Variants in ASB1 observed in about 807,000 individuals in gnomAD.
ASB1 encodes ankyrin repeat and SOCS box containing 1.
A neutral mutation model predicts 27.7 loss-of-function variants in ASB1; 18 were observed. The observed-to-expected ratio is 0.65, with a 90% CI of 0.45 to 0.96. The LOEUF (loss-of-function observed/expected upper bound fraction) is 0.96, where lower values mean the gene tolerates loss of function less well. Ranked by LOEUF, ASB1 falls within the 50% of genes least tolerant of loss-of-function variation. ASB1 has a pLI of 0.00. For synonymous variants in ASB1, 189 were observed against 187.6 expected (o/e 1.01, Z -0.06); for missense variants, 397 against 451.7 (o/e 0.88, Z 1.10).
At chr2:238,441,660 C>G (rs1449486540) in intron 3 of ASB1, among the ~76,000 whole-genome samples, 1 of 152,230 alleles carries the variant, frequency 6.6e-6, no homozygotes, top group African/African-American at 2.4e-5. Context: ...GACCCCCTCA[C>G]TCCTTTTCAG....
intron 3 of ASB1, among the ~76,000 whole-genome samples, chr2:238,443,585 C>G (rs779645068): frequency 1.3e-4 from 20 of 152,194 alleles, no homozygotes; most frequent in Admixed American, 5.9e-4. Context: ...CTTGCTCCAG[C>G]TTTGGCCGGA....
At chr2:238,435,250 C>A (rs1279340012) in intron 2 of ASB1, 1 of 174,360 alleles carries the variant, frequency 5.7e-6, no homozygotes, top group Admixed American at 5.7e-5. Flanking sequence ...CCTACATAGT[C>A]ACCTAGTCCT....
chr2:238,444,327 C>T lies in ASB1; in HGVS notation c.495-15C>T. The T allele has an allele frequency of 6.3e-7, 1 of 1,589,850 alleles. No homozygotes were observed. On this transcript the variant is annotated splice_polypyrimidine_tract_variant and intron_variant, in intron 3 of 4. Coordinates refer to ENST00000264607, the MANE Select transcript of ASB1 (RefSeq NM_001040445.3). ...AGTCCCCTGCACAGTCTGACTTTCC[C>T]TTTCTTCCCTGCAGGTACGGGGCTG... is the stretch of plus-strand genomic sequence containing the variant.
intron 3 of ASB1, among the ~76,000 whole-genome samples, chr2:238,438,068 T>C (rs1228118584): frequency 1.3e-5 from 2 of 152,214 alleles, no homozygotes; most frequent in African/African-American, 2.4e-5. Flanking sequence ...GAAATGCTTT[T>C]GAGTAGGATC....
chr2:238,436,023 G>A lies in ASB1; in HGVS notation c.494+10G>A, dbSNP rs200318975. 3.0e-5 allele frequency: 47 copies of A among 1,578,330 alleles called. No individual in the cohort carries two copies. The East Asian group carries it at 6.6e-4, about 22-fold the overall frequency. On this transcript the variant is annotated intron_variant, in intron 3 of 4. Transcript: ENST00000264607. ...TGAAGGCCCTCATCAGGCCAGTACT[G>A]TGGAGCTCGCCTGGCTCCTGCAGCC...
Position 238,451,757 on chromosome 2 carries a change from T to C in ASB1, c.*5246T>C, listed in dbSNP as rs1158837297. On this transcript the variant is annotated 3_prime_UTR_variant, in exon 5 of 5. Transcript: ENST00000264607. The stretch of plus-strand genomic sequence containing the variant: ...TCCCTCTAATTGCCCCCAAATGCCT[T>C]AATTTTGTGGACTGTTTATTTCAAC... 1.3e-5 allele frequency: 2 copies of C among 152,628 alleles called. No individual in the cohort carries two copies. The highest frequency in any genetic ancestry group is 4.8e-5 in the African/African-American group (2 of 41,448). 9.5% of individuals were successfully genotyped at this position (152,628 alleles called of 1,614,324 possible). A position where few individuals can be genotyped will look rare whatever the true frequency, so the allele number is the denominator to read the frequency against.
intron 3 of ASB1, among the ~76,000 whole-genome samples, chr2:238,440,609 A>G (rs1445870221): frequency 3.3e-5 from 5 of 152,152 alleles, no homozygotes; most frequent in Admixed American, 1.3e-4. Flanking sequence ...TCACCTTGTC[A>G]GGACTCTGAC....
chr2:238,427,128 C>A lies in ASB1; in HGVS notation c.49+9C>A. On this transcript the variant is annotated intron_variant, in intron 1 of 4. Coordinates refer to ENST00000264607, the MANE Select transcript of ASB1 (RefSeq NM_001040445.3). Reference sequence around the variant, plus strand: ...AGGGCCGGGCTCCGCAGGTAACGTGCGCGCGGCCACTGGGCCGCGGGGCGT... The same window carrying A: ...AGGGCCGGGCTCCGCAGGTAACGTGAGCGCGGCCACTGGGCCGCGGGGCGT... The A allele has an allele frequency of 1.6e-6, 2 of 1,246,656 alleles. No individual in the cohort carries two copies. The highest frequency in any genetic ancestry group is 2.0e-6 in the Non-Finnish European group (2 of 995,576). The allele number at this position is 1,246,656 out of a possible 1,614,324, so 77.2% of individuals were successfully genotyped here. A position where few individuals can be genotyped will look rare whatever the true frequency, so the allele number is the denominator to read the frequency against.
chr2:238,449,986 T>A lies in ASB1; in HGVS notation c.*3475T>A, dbSNP rs954027934. ...CCACATCCCTATTAACAGAGGCAGCTCCACTTCAGACAGGGACAAGGCTTC... is the reference window on the plus strand; with the variant it reads ...CCACATCCCTATTAACAGAGGCAGCACCACTTCAGACAGGGACAAGGCTTC... On this transcript the variant is annotated 3_prime_UTR_variant, in exon 5 of 5. Coordinates refer to ENST00000264607, the MANE Select transcript of ASB1 (RefSeq NM_001040445.3). The A allele has an allele frequency of 1.3e-5, 2 of 152,250 alleles. No individual in the cohort carries two copies. Among genetic ancestry groups the A allele is most frequent in the Non-Finnish European group, 2.9e-5 (2 of 68,060 alleles). The allele number at this position is 152,250 out of a possible 1,614,324, so 9.4% of individuals were successfully genotyped here.
chr2:238,433,519 C>G, intron 1 of ASB1, 35 bp from the exon 2 acceptor site: 1 of 1,610,574 alleles, frequency 6.2e-7, no homozygotes, highest in Non-Finnish European at 8.5e-7. Flanking sequence ...GGCAGGGCCT[C>G]CATGAGCTAA....
intron 3 of ASB1, among the ~76,000 whole-genome samples, chr2:238,443,786 C>T (rs1016932379): frequency 1.3e-5 from 2 of 151,880 alleles, no homozygotes; most frequent in Non-Finnish European, 2.9e-5. Context: ...GAGGATTTCC[C>T]CCTCAGCCTC....
At chr2:238,442,391 C>A (rs916594537) in intron 3 of ASB1, among the ~76,000 whole-genome samples, 3 of 152,164 alleles carry the variant, frequency 2.0e-5, no homozygotes, top group Non-Finnish European at 4.4e-5. Context: ...GGATTACAGG[C>A]ATGAGCCACC....
chr2:238,445,226 G>A (rs1702156857), intron 4 of ASB1, among the ~76,000 whole-genome samples: 1 of 151,954 alleles, frequency 6.6e-6, no homozygotes, highest in Admixed American at 6.6e-5. Flanking sequence ...TGATCTGCCC[G>A]CCTCAGCCTC....
In ASB1 at chr2:238,451,371, A is replaced by G. The variant is rs1429055506; in HGVS notation, c.*4860A>G. The G allele has an allele frequency of 6.6e-6, 1 of 152,232 alleles. No homozygotes were observed. The highest frequency in any genetic ancestry group is 1.5e-5 in the Non-Finnish European group (1 of 68,058). The allele number at this position is 152,232 out of a possible 1,614,324, so 9.4% of individuals were successfully genotyped here. A position where few individuals can be genotyped will look rare whatever the true frequency, so the allele number is the denominator to read the frequency against. On this transcript the variant is annotated 3_prime_UTR_variant, in exon 5 of 5. Transcript: ENST00000264607. The stretch of plus-strand genomic sequence containing the variant: ...CTTAGATATACTAGGTAGTGTATGA[A>G]TGTGCATAAATCCAGTTTGAGAATG...
In ASB1 at chr2:238,446,372, C is replaced by T. The variant is rs1213057066; in HGVS notation, c.881-12C>T. The T allele has an allele frequency of 4.4e-6, 7 of 1,580,608 alleles. No individual in the cohort carries two copies. The Admixed American group carries it at 9.1e-5, about 21-fold the overall frequency. Reference sequence around the variant, plus strand: ...CTTCCTCTATCCCTCTCTTTCTTCCCACGGCCTTCAGGTGTTCCCAGAACC... The same window carrying T: ...CTTCCTCTATCCCTCTCTTTCTTCCTACGGCCTTCAGGTGTTCCCAGAACC... On this transcript the variant is annotated splice_polypyrimidine_tract_variant and intron_variant, in intron 4 of 4. Coordinates refer to ENST00000264607, the MANE Select transcript of ASB1 (RefSeq NM_001040445.3).
intron 3 of ASB1, among the ~76,000 whole-genome samples, chr2:238,441,822 A>G (rs1352645481): frequency 1.3e-5 from 2 of 152,218 alleles, no homozygotes; most frequent in African/African-American, 4.8e-5. Context: ...TTGCAGATGT[A>G]TTTTGGAAAT....
chr2:238,441,570 G>A (rs1033795698), intron 3 of ASB1, among the ~76,000 whole-genome samples: 6 of 152,194 alleles, frequency 3.9e-5, no homozygotes, highest in Non-Finnish European at 7.3e-5. Context: ...CACAGAAACA[G>A]TAGTGGACTG....
intron 1 of ASB1, among the ~76,000 whole-genome samples, chr2:238,429,002 G>C (rs940587101): frequency 3.3e-5 from 5 of 152,174 alleles, no homozygotes; most frequent in Admixed American, 3.3e-4. Context: ...AGGAAGACTG[G>C]GGTGGTGGCT....
Position 238,433,643 on chromosome 2 carries a change from G to A in ASB1, c.139G>A (p.Val47Ile), listed in dbSNP as rs781404106. ...EDTRLHDAAY[V>I]GDLQTLRSLL... is the part of the protein sequence containing the mutation. Reference sequence around the variant, plus strand: ...CACGAGGCTCCATGATGCAGCTTACGTCGGGGACCTCCAGACCCTCAGGAG... The same window carrying A: ...CACGAGGCTCCATGATGCAGCTTACATCGGGGACCTCCAGACCCTCAGGAG... Residue 47 changes from valine to isoleucine, a missense_variant, in exon 2 of 5, where the codon GTC (valine) becomes ATC (isoleucine). Transcript: ENST00000264607. 8 of 1,614,012 alleles carry A rather than the reference G, an allele frequency of 5.0e-6. No homozygotes were observed. Among genetic ancestry groups the A allele is most frequent in the Admixed American group, 3.3e-5 (2 of 60,010 alleles).
Sources: gnomAD v4.1 joint callset for allele counts (sites outside exome capture counted in the v4.1 genomes callset) on GRCh38, gnomAD v4.1.1 for gene constraint, MANE v1.5 for transcripts, NCBI Gene and HGNC (gene_info 2026-07-23, HGNC 2026-07-21) for gene names.